Variants in ZNF324B observed in about 807,000 individuals in gnomAD.
ZNF324B encodes zinc finger protein 324B.
ZNF324B carries 7 observed loss-of-function variants against 10.6 expected under a neutral mutation model. That is an observed-to-expected ratio of 0.66 (90% confidence interval 0.38 to 1.24). The LOEUF is 1.24. ZNF324B is among the 50% of genes most tolerant of loss of function. The pLI is 0.02. For missense variants in ZNF324B, 640 were observed against 764.7 expected (o/e 0.84, Z 1.92); for synonymous variants, 316 against 321.0 (o/e 0.98, Z 0.17).
chr19:58,452,724 C>G, intron 1 of ZNF324B: 4 of 884,370 alleles, frequency 4.5e-6, no homozygotes, highest in Non-Finnish European at 5.4e-6. Context: ...AGGACAGGGC[C>G]TATAAACTGG....
chr19:58,438,225 G>A, the ZNF324B span, among the ~76,000 whole-genome samples: 1 of 152,174 alleles, frequency 6.6e-6, no homozygotes, highest in African/African-American at 2.4e-5. Context: ...TGCTCAGGAG[G>A]CTCAGCCACT....
chr19:58,455,640 T>TA lies in ZNF324B; in HGVS notation c.697dup (p.Arg233LysfsTer93), dbSNP rs1012687465. 3.1e-6 allele frequency: 5 copies of TA among 1,613,662 alleles called. No individual in the cohort carries two copies. The African/African-American group carries it at 6.7e-5, about 22-fold the overall frequency. ...TGGGCGCAGCTTGGCAGGAGCCTCA[T>TA]AGACTCCTCGGTGGCCAGGAGCCCT... On this transcript the variant is annotated frameshift_variant, in exon 4 of 4. Transcript: ENST00000336614. LOFTEE classifies it low-confidence loss of function (END_TRUNC). The surrounding 1 kb of genome is among the most constrained non-coding windows in gnomAD (Gnocchi z 7.0).
chr19:58,434,551 T>C, the ZNF324B span: 1 of 1,614,202 alleles, frequency 6.2e-7, no homozygotes, highest in Non-Finnish European at 8.5e-7. Flanking sequence ...ACTAAAGGCC[T>C]TCCCACACTC....
the ZNF324B span, chr19:58,434,657 G>C: frequency 1.2e-6 from 2 of 1,614,194 alleles, no homozygotes; most frequent in East Asian, 2.2e-5. Context: ...CATGTAAATG[G>C]TATCTCTTCA....
chr19:58,427,366 CTTTCTTTCTTTCTTTCTTTCTTT>C, the ZNF324B span, among the ~76,000 whole-genome samples: 2 of 41,878 alleles, frequency 4.8e-5, no homozygotes, highest in Non-Finnish European at 9.9e-5. Context: ...TTCTTTCTTT[CTTTCTTTCTTTCTTTCTTTCTTT>C]CTTTCTTTCT....
chr19:58,429,146 C>T, the ZNF324B span: 1 of 152,244 alleles, frequency 6.6e-6, no homozygotes, highest in Non-Finnish European at 1.5e-5. Context: ...TCTTCCTGCC[C>T]ATGCGGCTGT....
chr19:58,441,306 G>A, the ZNF324B span: 4 of 152,604 alleles, frequency 2.6e-5, no homozygotes, highest in East Asian at 3.8e-4. Context: ...TAGTGGGGCT[G>A]GAAGCAGGGA....
chr19:58,432,648 C>T, the ZNF324B span, among the ~76,000 whole-genome samples: 1 of 152,202 alleles, frequency 6.6e-6, no homozygotes, highest in Non-Finnish European at 1.5e-5. Flanking sequence ...GCCTTTCAGT[C>T]TTTCCCAGTC....
the ZNF324B span, chr19:58,445,641 C>T: frequency 4.1e-5 from 15 of 367,064 alleles, no homozygotes; most frequent in Non-Finnish European, 7.9e-5. Context: ...CATGGCAAAC[C>T]CCCTCTTTAC....
At chr19:58,434,515 T>C in the ZNF324B span, 16 of 1,614,252 alleles carry the variant, frequency 9.9e-6, no homozygotes, top group Non-Finnish European at 1.4e-5. Flanking sequence ...GTGAAATTTC[T>C]GGTGCTTCCT....
the ZNF324B span, among the ~76,000 whole-genome samples, chr19:58,421,621 C>T: frequency 8.6e-5 from 13 of 151,946 alleles, no homozygotes; most frequent in African/African-American, 1.7e-4. Flanking sequence ...CCTCGTGATC[C>T]GCCCACCTCG....
Position 58,455,132 on chromosome 19 carries a change from G to A in ZNF324B, c.239-51G>A, listed in dbSNP as rs1463607898. On this transcript the variant is annotated intron_variant, in intron 3 of 3. Coordinates refer to ENST00000336614, the MANE Select transcript of ZNF324B (RefSeq NM_207395.3). This position sits in a 1 kb window ranked among gnomAD's most constrained non-coding sequence, Gnocchi z 7.0. ...TTGCCTGTCCACTCAGCCTGCCCTG[G>A]TCCTCTCCTAACCAGGATGCCCCAG... The A allele has an allele frequency of 1.2e-6, 2 of 1,612,986 alleles. No homozygotes were observed. Among genetic ancestry groups the A allele is most frequent in the Non-Finnish European group, 1.7e-6 (2 of 1,179,544 alleles).
In ZNF324B at chr19:58,456,576, C is replaced by CT; in HGVS notation, c.1633dup (p.Ter545LeufsTer15). On this transcript the variant is annotated frameshift_variant, in exon 4 of 4. Coordinates refer to ENST00000336614, the MANE Select transcript of ZNF324B (RefSeq NM_207395.3). LOFTEE classifies it high-confidence loss of function. The surrounding 1 kb of genome is among the most constrained non-coding windows in gnomAD (Gnocchi z 4.7). ...GCCCAGTCCTGAAGCCAGCGAAGGT[C>CT]TGAGGTCACAGGTCGCAGCCCAACC... is the stretch of plus-strand genomic sequence containing the variant. The CT allele has an allele frequency of 6.2e-7, 1 of 1,613,066 alleles. No individual in the cohort carries two copies. Among genetic ancestry groups the CT allele is most frequent in the Non-Finnish European group, 8.5e-7 (1 of 1,179,292 alleles).
chr19:58,433,016 C>A, the ZNF324B span: 2 of 382,340 alleles, frequency 5.2e-6, no homozygotes, highest in Non-Finnish European at 9.4e-6. Context: ...CAGCTGAGCA[C>A]AGTCCTGAAT....
At chr19:58,436,491 C>T in the ZNF324B span, among the ~76,000 whole-genome samples, 1 of 151,646 alleles carries the variant, frequency 6.6e-6, no homozygotes, top group Middle Eastern at 3.4e-3. Flanking sequence ...ATGGTGAAAC[C>T]CCCTCTCTAC....
At chr19:58,446,922 CCTTTCCTTTG>C (rs762812241), upstream of ZNF324B, among the ~76,000 whole-genome samples, 48 of 151,384 alleles carry the variant, frequency 3.2e-4, no homozygotes, top group Non-Finnish European at 5.7e-4. Flanking sequence ...TCTTTCCTTT[CCTTTCCTTTG>C]CTTTCCTTTC....
At chr19:58,433,054 A>G in the ZNF324B span, 1 of 499,080 alleles carries the variant, frequency 2.0e-6, no homozygotes, top group Admixed American at 3.6e-5. Flanking sequence ...AGGAAGGCTC[A>G]GGGTACTGTT....
chr19:58,439,756 T>C, the ZNF324B span: 750,208 of 1,535,222 alleles, frequency 0.49, 187,838 homozygotes, highest in African/African-American at 0.77. Context: ...ACACTCCACT[T>C]ACCTGCGCCG....
the ZNF324B span, chr19:58,429,728 C>T: frequency 6.6e-6 from 1 of 152,176 alleles, no homozygotes; most frequent in African/African-American, 2.4e-5. Flanking sequence ...ATTGTCATAC[C>T]AAAATCTAAA....
Sources: allele counts gnomAD v4.1 joint callset (sites outside exome capture counted in the v4.1 genomes callset), GRCh38; gene constraint gnomAD v4.1.1; non-coding constraint Gnocchi (gnomAD v3.1); transcripts MANE v1.5; gene names NCBI Gene and HGNC (gene_info 2026-07-23, HGNC 2026-07-21).